The following DMBX1 variants were observed in gnomAD, a reference collection of about 807,000 sequenced individuals.
The protein encoded by DMBX1 is diencephalon/mesencephalon homeobox 1, also known as diencephalon/mesencephalon homeobox protein 1.
A neutral mutation model predicts 30.4 loss-of-function variants in DMBX1; 7 were observed. That is an observed-to-expected ratio of 0.23 (90% CI 0.13 to 0.43). The LOEUF (loss-of-function observed/expected upper bound fraction) is 0.43, where lower values mean the gene tolerates loss of function less well. DMBX1 is among the 20% of genes least tolerant of loss of function. The pLI is 1.00. For missense variants in DMBX1, 460 were observed against 508.5 expected (o/e 0.90, Z 0.92); for synonymous variants, 222 against 214.2 (o/e 1.04, Z -0.32).
chr1:46,510,881 CA>C lies in DMBX1; in HGVS notation c.334-53del. On this transcript the variant is annotated intron_variant, in intron 4 of 5. Coordinates refer to ENST00000360032, the MANE Select transcript of DMBX1 (RefSeq NM_172225.2). The surrounding 1 kb of genome is among the most constrained non-coding windows in gnomAD (Gnocchi z 4.1). The stretch of plus-strand genomic sequence containing the variant: ...TCCTCTCCCAGAGCACCCTGCTCCA[CA>C]CCAACCCCACTTCTTTCTTGCCCAC... 1 of 1,510,718 alleles carries C rather than the reference CA, an allele frequency of 6.6e-7. No individual in the cohort carries two copies. The highest frequency in any genetic ancestry group is 1.3e-5 in the South Asian group (1 of 75,850). 93.6% of individuals were successfully genotyped at this position (1,510,718 alleles called of 1,614,324 possible). A position where few individuals can be genotyped will look rare whatever the true frequency, so the allele number is the denominator to read the frequency against.
At position 46,500,525 on chromosome 1, in the gene DMBX1, G is replaced by A. The variant is rs1438825707; in HGVS notation, c.-12-6474G>A. On this transcript the variant is annotated intron_variant, in intron 2 of 5. Transcript: ENST00000360032. ...TTCATCCTCATATCCAGCGAAAGAC[G>A]TGGATACCTCCCCCCAGCCCCTACC... is the stretch of plus-strand genomic sequence containing the variant. Among the ~76,000 whole-genome samples, 12 of 151,768 alleles carry A rather than the reference G, an allele frequency of 7.9e-5. No individual in the cohort carries two copies. In the South Asian group the frequency reaches 2.1e-3, roughly 26 times the overall value.
At chr1:46,498,563 C>T (rs1487392519) in intron 2 of DMBX1, among the ~76,000 whole-genome samples, 3 of 152,090 alleles carry the variant, frequency 2.0e-5, no homozygotes, top group Admixed American at 1.3e-4. Context: ...GGGGACAGGG[C>T]CACATGACTT....
intron 3 of DMBX1, 146 bp downstream of exon 3, chr1:46,507,310 T>C: frequency 9.0e-7 from 1 of 1,105,356 alleles, no homozygotes; most frequent in Non-Finnish European, 1.3e-6. Flanking sequence ...CACAGAGAGA[T>C]GTCAATTCAA....
At chr1:46,490,844 C>T (rs1665915972) in intron 2 of DMBX1, among the ~76,000 whole-genome samples, 61 bp downstream of exon 2, 1 of 152,354 alleles carries the variant, frequency 6.6e-6, no homozygotes, top group South Asian at 2.1e-4. Flanking sequence ...CCCGCGGCCT[C>T]AGCCGGCGTG....
Position 46,512,721 on chromosome 1 carries a change from G to A in DMBX1, c.*227G>A. 1.8e-6 allele frequency: 1 copy of A among 548,574 alleles called. No homozygotes were observed. The highest frequency in any genetic ancestry group is 3.3e-5 in the South Asian group (1 of 30,708). 34.0% of individuals were successfully genotyped at this position (548,574 alleles called of 1,614,324 possible). ...CATGGAGGCCGAATAGGGAGGAGGTGAGAGGCTGGGGTGCCCCAAGCTTCC... is the reference window on the plus strand; with the variant it reads ...CATGGAGGCCGAATAGGGAGGAGGTAAGAGGCTGGGGTGCCCCAAGCTTCC... On this transcript the variant is annotated 3_prime_UTR_variant, in exon 6 of 6. Transcript: ENST00000360032. The surrounding 1 kb of genome is among the most constrained non-coding windows in gnomAD (Gnocchi z 4.8).
At chr1:46,497,337 G>A (rs1181088456) in intron 2 of DMBX1, among the ~76,000 whole-genome samples, 1 of 152,206 alleles carries the variant, frequency 6.6e-6, no homozygotes, top group East Asian at 1.9e-4. Flanking sequence ...GATATTCAAA[G>A]ACTGGTAGCT....
rs994740299 is a variant in DMBX1, at chr1:46,513,325, C to G, written c.*831C>G. On this transcript the variant is annotated 3_prime_UTR_variant, in exon 6 of 6. Transcript: ENST00000360032. ...CTATGCCCAATAGAAGCAACAAGGCCCTAGCTGGAGACTCTGGGGATCTGG... is the reference window on the plus strand; with the variant it reads ...CTATGCCCAATAGAAGCAACAAGGCGCTAGCTGGAGACTCTGGGGATCTGG... The G allele has an allele frequency of 6.6e-6, 1 of 152,132 alleles. No homozygotes were observed. The allele number at this position is 152,132 out of a possible 1,614,324, so 9.4% of individuals were successfully genotyped here. A position where few individuals can be genotyped will look rare whatever the true frequency, so the allele number is the denominator to read the frequency against.
chr1:46,507,802 T>G (rs763403901), intron 3 of DMBX1, among the ~76,000 whole-genome samples: 2 of 152,170 alleles, frequency 1.3e-5, no homozygotes, highest in Non-Finnish European at 2.9e-5. Context: ...CACTCAGCTC[T>G]CTTCTCTGAG....
At chr1:46,506,870 C>G in intron 2 of DMBX1, 129 bp from the exon 3 acceptor site, 1 of 1,021,434 alleles carries the variant, frequency 9.8e-7, no homozygotes, top group Non-Finnish European at 1.4e-6. Flanking sequence ...AAGACAGGCT[C>G]CCTTCCGATG....
intron 2 of DMBX1, among the ~76,000 whole-genome samples, chr1:46,499,031 TTTTTC>T (rs1436043740): frequency 2.6e-5 from 4 of 151,768 alleles, no homozygotes; most frequent in South Asian, 2.1e-4. Context: ...GGGAATGTGT[TTTTTC>T]TTTTCTTTTC....
At chr1:46,490,444 T>G (rs1569874808) in intron 1 of DMBX1, among the ~76,000 whole-genome samples, 200 bp from the exon 2 acceptor site, 2 of 128,082 alleles carry the variant, frequency 1.6e-5, no homozygotes. Flanking sequence ...GGGAGGGAGG[T>G]GGCCGGCGTA....
intron 3 of DMBX1, among the ~76,000 whole-genome samples, chr1:46,507,621 C>G (rs1340212255): frequency 6.6e-6 from 1 of 152,196 alleles, no homozygotes. Flanking sequence ...CTCTCTCTTT[C>G]TGTGTGCCTC....
chr1:46,510,922 T>A lies in DMBX1; in HGVS notation c.334-13T>A, dbSNP rs1341745298. ...TTCTTGCCCACCTCGGACTGCTCCT[T>A]TCCCGTCCCCAGGTGTGGTTCAAGA... On this transcript the variant is annotated splice_polypyrimidine_tract_variant and intron_variant, in intron 4 of 5. Transcript: ENST00000360032. The surrounding 1 kb of genome is among the most constrained non-coding windows in gnomAD (Gnocchi z 4.1). 1.9e-6 allele frequency: 3 copies of A among 1,584,796 alleles called. No individual in the cohort carries two copies. The highest frequency in any genetic ancestry group is 2.6e-6 in the Non-Finnish European group (3 of 1,164,628).
chr1:46,502,892 A>C (rs1372895221), intron 2 of DMBX1, among the ~76,000 whole-genome samples: 1 of 152,200 alleles, frequency 6.6e-6, no homozygotes, highest in Non-Finnish European at 1.5e-5. Flanking sequence ...AAATAAAAAA[A>C]ACAAAACAAA....
intron 2 of DMBX1, among the ~76,000 whole-genome samples, chr1:46,498,206 G>T (rs1375616095): frequency 2.0e-5 from 3 of 152,158 alleles, no homozygotes; most frequent in Non-Finnish European, 4.4e-5. Context: ...CTGGGCAGGG[G>T]TCACCCTCTT....
rs1049936534 is a variant in DMBX1, at chr1:46,507,259, C to G, written c.154+95C>G. 120 of 1,500,818 alleles carry G rather than the reference C, an allele frequency of 8.0e-5. 1 individual carries two copies. The Middle Eastern group carries it at 1.0e-3, about 13-fold the overall frequency. 93.0% of individuals were successfully genotyped at this position (1,500,818 alleles called of 1,614,324 possible). On this transcript the variant is annotated intron_variant, in intron 3 of 5. Transcript: ENST00000360032. Reference sequence around the variant, plus strand: ...AAGAGGAGAGGGAGCACTGGCCAAGCTTGTTCTAGGGGGCTCAAAAAGACT... The same window carrying G: ...AAGAGGAGAGGGAGCACTGGCCAAGGTTGTTCTAGGGGGCTCAAAAAGACT...
At chr1:46,507,786 C>T (rs1666269714) in intron 3 of DMBX1, among the ~76,000 whole-genome samples, 1 of 152,142 alleles carries the variant, frequency 6.6e-6, no homozygotes, top group Non-Finnish European at 1.5e-5. Flanking sequence ...TCAGCACGGG[C>T]TTTCCCACTC....
rs2148480477 is a variant in DMBX1 at position 46,493,276 on chromosome 1, T to C, written c.-13+2493T>C. Among the ~76,000 whole-genome samples the C allele has an allele frequency of 6.6e-6, 1 of 152,288 alleles. No homozygotes were observed. The highest frequency in any genetic ancestry group is 2.1e-4 in the South Asian group (1 of 4,830). ...TGGTGAGCTTTCGGCAGGGTGTGTGTTCTGGTCTCCACATTCATCCTGCAC... is the reference window on the plus strand; with the variant it reads ...TGGTGAGCTTTCGGCAGGGTGTGTGCTCTGGTCTCCACATTCATCCTGCAC... On this transcript the variant is annotated intron_variant, in intron 2 of 5. Coordinates refer to ENST00000360032, the MANE Select transcript of DMBX1 (RefSeq NM_172225.2). This position sits in a 1 kb window ranked among gnomAD's most constrained non-coding sequence, Gnocchi z 4.1.
At chr1:46,498,171 G>T (rs562311473) in intron 2 of DMBX1, among the ~76,000 whole-genome samples, 10 of 152,266 alleles carry the variant, frequency 6.6e-5, no homozygotes, top group African/African-American at 2.2e-4. Context: ...GGTCCTGGCT[G>T]CCCCTATTGC....
Sources: gnomAD v4.1 joint callset for allele counts (sites outside exome capture counted in the v4.1 genomes callset) on GRCh38, gnomAD v4.1.1 for gene constraint, Gnocchi (gnomAD v3.1) non-coding constraint, MANE v1.5 for transcripts, NCBI Gene and HGNC (gene_info 2026-07-23, HGNC 2026-07-21) for gene names.